The following ALDH1A2 variants were observed in gnomAD, a reference collection of about 807,000 sequenced individuals.
The protein encoded by ALDH1A2 is aldehyde dehydrogenase 1 family member A2.
Under a neutral mutation model 60.3 loss-of-function variants are expected in ALDH1A2, and 27 were observed. The ratio of observed to expected loss-of-function variants is 0.45; its 90% CI spans 0.33 to 0.62. The LOEUF is 0.62. Among genes scored for constraint, ALDH1A2 ranks in the 20% least tolerant of loss-of-function variants. The pLI, the probability that ALDH1A2 is intolerant of heterozygous loss-of-function variation, is 0.02. For synonymous variants in ALDH1A2, 289 were observed against 232.4 expected (o/e 1.24, Z -2.21); for missense variants, 581 against 643.8 (o/e 0.90, Z 1.06).
chr15:57,975,744 A>C (rs866429703), intron 7 of ALDH1A2, among the ~76,000 whole-genome samples: 1 of 151,348 alleles, frequency 6.6e-6, no homozygotes, highest in Non-Finnish European at 1.5e-5. Flanking sequence ...AGTATATACT[A>C]TATGTTGCCA....
At chr15:58,057,916 C>T in intron 1 of ALDH1A2, 1 of 589,366 alleles carries the variant, frequency 1.7e-6, no homozygotes, top group South Asian at 6.3e-5. Flanking sequence ...ATAAAAATGA[C>T]CCTGAGATAA....
chr15:57,982,163 T>C (rs1894537811), intron 7 of ALDH1A2, among the ~76,000 whole-genome samples: 1 of 152,204 alleles, frequency 6.6e-6, no homozygotes, highest in African/African-American at 2.4e-5. Flanking sequence ...AACACACTCT[T>C]TCTGGGGAAC....
chr15:58,022,656 C>T (rs2140529043), intron 1 of ALDH1A2, among the ~76,000 whole-genome samples: 1 of 152,274 alleles, frequency 6.6e-6, no homozygotes, highest in Admixed American at 6.5e-5. Flanking sequence ...TAAAGACTGG[C>T]CTACCTGGCA....
At chr15:57,967,399 T>G (rs2899609) in intron 7 of ALDH1A2, among the ~76,000 whole-genome samples, 10 of 152,014 alleles carry the variant, frequency 6.6e-5, no homozygotes, top group African/African-American at 2.4e-4. Context: ...TGTGAGAAGC[T>G]GGGGCCTCCC....
At chr15:58,006,430 G>T (rs1224561816) in intron 4 of ALDH1A2, among the ~76,000 whole-genome samples, 2 of 151,928 alleles carry the variant, frequency 1.3e-5, no homozygotes. Context: ...GTGCAGTTAG[G>T]TTGGTACCAT....
intron 1 of ALDH1A2, among the ~76,000 whole-genome samples, chr15:58,049,833 CT>C (rs1289281783): frequency 8.5e-5 from 13 of 152,154 alleles, no homozygotes; most frequent in Admixed American, 7.2e-4. Flanking sequence ...ATGTACCCCC[CT>C]GTCTTGAAAA....
At chr15:57,963,766 G>T in intron 9 of ALDH1A2, 119 bp downstream of exon 9, 1 of 1,005,106 alleles carries the variant, frequency 9.9e-7, no homozygotes, top group Non-Finnish European at 1.5e-6. Context: ...AGACATGGTG[G>T]AGAATAAAGG....
intron 7 of ALDH1A2, among the ~76,000 whole-genome samples, chr15:57,967,754 A>T (rs1273825130): frequency 2.6e-5 from 4 of 152,214 alleles, no homozygotes; most frequent in African/African-American, 9.6e-5. Flanking sequence ...CTGAAGTTTG[A>T]TGGGTGAGCT....
At chr15:58,015,920 G>C (rs1566949756) in intron 1 of ALDH1A2, among the ~76,000 whole-genome samples, 2 of 152,176 alleles carry the variant, frequency 1.3e-5, no homozygotes, top group Non-Finnish European at 2.9e-5. Context: ...GCTCACAGCT[G>C]ATAGCTCATT....
intron 3 of ALDH1A2, among the ~76,000 whole-genome samples, chr15:58,013,608 C>T (rs368323322): frequency 1.1e-4 from 17 of 152,044 alleles, no homozygotes; most frequent in Admixed American, 6.6e-4. Context: ...AAAAATTAGC[C>T]AGGTGTGGTG....
intron 7 of ALDH1A2, 24 bp from the exon 8 acceptor site, chr15:57,965,851 G>C: frequency 6.2e-7 from 1 of 1,601,244 alleles, no homozygotes. Context: ...AATGGAGACA[G>C]GTTTTGCAAA....
At chr15:57,966,118 C>G (rs934101303) in intron 7 of ALDH1A2, among the ~76,000 whole-genome samples, 39 of 152,302 alleles carry the variant, frequency 2.6e-4, no homozygotes, top group African/African-American at 6.7e-4. Flanking sequence ...AGACAACTGG[C>G]AAGAAAAATG....
At chr15:58,008,551 G>A (rs753823043) in intron 4 of ALDH1A2, among the ~76,000 whole-genome samples, 1 of 152,090 alleles carries the variant, frequency 6.6e-6, no homozygotes, top group Non-Finnish European at 1.5e-5. Context: ...CCCTCCTGAG[G>A]AAGTAAAAGA....
chr15:58,054,176 G>T (rs1431469933), intron 1 of ALDH1A2, among the ~76,000 whole-genome samples: 1 of 152,018 alleles, frequency 6.6e-6, no homozygotes, highest in African/African-American at 2.4e-5. Flanking sequence ...AGAAATAAGA[G>T]TTATCAAGTG....
chr15:57,969,849 A>T (rs1374084644), intron 7 of ALDH1A2, among the ~76,000 whole-genome samples: 1 of 152,202 alleles, frequency 6.6e-6, no homozygotes, highest in Non-Finnish European at 1.5e-5. Context: ...CATTGCTGAC[A>T]ACCTGGCTAA....
At chr15:58,063,147 G>A (rs4646555) in intron 1 of ALDH1A2, among the ~76,000 whole-genome samples, 71,491 of 151,966 alleles carry the variant, frequency 0.47, 17,250 homozygotes, top group Non-Finnish European at 0.53. Flanking sequence ...ATTTTAAGTA[G>A]TGACTCTATG....
At chr15:58,052,055 T>TG (rs1273239639) in intron 1 of ALDH1A2, among the ~76,000 whole-genome samples, 1 of 152,178 alleles carries the variant, frequency 6.6e-6, no homozygotes, top group African/African-American at 2.4e-5. Flanking sequence ...ATTTCTAATA[T>TG]GGTAAGTCCT....
At chr15:58,037,110 C>A (rs181243441) in intron 1 of ALDH1A2, among the ~76,000 whole-genome samples, 2 of 151,664 alleles carry the variant, frequency 1.3e-5, no homozygotes, top group Non-Finnish European at 3.0e-5. Flanking sequence ...GGATTCTTAA[C>A]AACAGCCTCT....
intron 1 of ALDH1A2, among the ~76,000 whole-genome samples, chr15:58,062,387 G>A (rs570327367): frequency 6.6e-6 from 1 of 152,246 alleles, no homozygotes; most frequent in African/African-American, 2.4e-5. Flanking sequence ...GGAATACAGA[G>A]GACAAGTTTC....
Sources: gnomAD v4.1 joint callset for allele counts (sites outside exome capture counted in the v4.1 genomes callset) on GRCh38, gnomAD v4.1.1 for gene constraint, MANE v1.5 for transcripts, NCBI Gene and HGNC (gene_info 2026-07-23, HGNC 2026-07-21) for gene names.